Variants in NEXN observed in about 807,000 individuals in gnomAD.
NEXN encodes the protein nexilin F-actin binding protein.
A neutral mutation model predicts 92.6 loss-of-function variants in NEXN; 65 were observed. The ratio of observed to expected loss-of-function variants is 0.70; its 90% CI spans 0.57 to 0.86. The LOEUF (loss-of-function observed/expected upper bound fraction) is 0.86. Ranked by LOEUF, NEXN falls within the 40% of genes least tolerant of loss-of-function variation. NEXN has a pLI of 0.00. For synonymous variants in NEXN, 254 were observed against 242.5 expected (o/e 1.05, Z -0.44); for missense variants, 778 against 771.1 (o/e 1.01, Z -0.11).
At chr1:77,897,508 C>A (rs923087668) in intron 1 of NEXN, among the ~76,000 whole-genome samples, 2 of 152,108 alleles carry the variant, frequency 1.3e-5, no homozygotes, top group African/African-American at 2.4e-5. Context: ...TGGGATGTAT[C>A]TCAAAATAAT....
At chr1:77,906,143 T>C (rs1648097314) in intron 1 of NEXN, among the ~76,000 whole-genome samples, 1 of 150,984 alleles carries the variant, frequency 6.6e-6, no homozygotes, top group African/African-American at 2.4e-5. Context: ...AGAGGGAGAA[T>C]AGTGTTATGA....
At chr1:77,933,227 C>T in intron 9 of NEXN, 55 bp from the exon 10 acceptor site, 1 of 1,075,610 alleles carries the variant, frequency 9.3e-7, no homozygotes, top group Non-Finnish European at 1.4e-6. Context: ...AAGAAATAGT[C>T]CCTTTTTAGT....
chr1:77,892,257 G>T (rs1327201867), intron 1 of NEXN, among the ~76,000 whole-genome samples: 1 of 151,950 alleles, frequency 6.6e-6, no homozygotes, highest in Non-Finnish European at 1.5e-5. Flanking sequence ...AGTGGTTTTT[G>T]GTTACATGGA....
chr1:77,920,804 GAGA>G (rs146375308), intron 5 of NEXN, among the ~76,000 whole-genome samples: 7,162 of 152,002 alleles, frequency 0.047, 218 homozygotes, highest in East Asian at 0.11. Flanking sequence ...GGTGAGGGAA[GAGA>G]AGGAGATGTT....
At chr1:77,916,666 T>C (rs1649000252) in intron 2 of NEXN, among the ~76,000 whole-genome samples, 1 of 152,162 alleles carries the variant, frequency 6.6e-6, no homozygotes, top group Non-Finnish European at 1.5e-5. Context: ...GATTATAAAA[T>C]ACAAGTTGGA....
intron 11 of NEXN, among the ~76,000 whole-genome samples, chr1:77,939,828 C>T (rs1651103870): frequency 6.6e-6 from 1 of 152,198 alleles, no homozygotes; most frequent in South Asian, 2.1e-4. Flanking sequence ...ATTCCCAGCA[C>T]TTTGGGAGGC....
chr1:77,920,065 ATT>A (rs954169817), intron 5 of NEXN, among the ~76,000 whole-genome samples: 1 of 149,592 alleles, frequency 6.7e-6, no homozygotes, highest in African/African-American at 2.5e-5. Flanking sequence ...CTCCCAGCTA[ATT>A]TTTTTGTATT....
intron 9 of NEXN, among the ~76,000 whole-genome samples, chr1:77,930,745 C>CCCTATG (rs1254160297): frequency 6.6e-6 from 1 of 152,214 alleles, no homozygotes; most frequent in Non-Finnish European, 1.5e-5. Context: ...TCACTCCTTT[C>CCCTATG]CCTATGCTCT....
intron 6 of NEXN, among the ~76,000 whole-genome samples, chr1:77,925,512 A>G (rs983872658): frequency 1.3e-5 from 2 of 152,224 alleles, no homozygotes; most frequent in Non-Finnish European, 2.9e-5. Context: ...GTATTTTTTG[A>G]ACTGTTACTA....
chr1:77,910,493 C>T (rs1648475018), intron 1 of NEXN, among the ~76,000 whole-genome samples: 1 of 152,032 alleles, frequency 6.6e-6, no homozygotes, highest in Non-Finnish European at 1.5e-5. Flanking sequence ...TGGCTAACGC[C>T]TGTAATCCCA....
chr1:77,893,228 A>G (rs1033282809), intron 1 of NEXN, among the ~76,000 whole-genome samples: 3 of 152,068 alleles, frequency 2.0e-5, no homozygotes, highest in African/African-American at 7.2e-5. Context: ...TGTGACTCCT[A>G]CAGCTTGGCT....
Position 77,925,737 on chromosome 1 carries a change from T to C in NEXN, c.489+508T>C, listed in dbSNP as rs182416925. Among the ~76,000 whole-genome samples, 17 of 152,274 alleles carry C rather than the reference T, an allele frequency of 1.1e-4. No individual in the cohort carries two copies. In the East Asian group the frequency reaches 3.1e-3, roughly 28 times the overall value. On this transcript the variant is annotated intron_variant, in intron 6 of 12. Transcript: ENST00000334785. ...ATAAGTTAAAAATCTTTCAATTTGA[T>C]GGTGTGCCCAAAACTACAGCCCATA...
At position 77,926,867 on chromosome 1, in the gene NEXN, C is replaced by G. The variant is rs756042503; in HGVS notation, c.839C>G (p.Ala280Gly). The G allele has an allele frequency of 5.6e-6, 9 of 1,613,744 alleles. No individual in the cohort carries two copies. In the Admixed American group the frequency reaches 1.5e-4, roughly 27 times the overall value. ...ARKRLEEEKR[A>G]FEEARRQMVN... ...AAACGTTTAGAAGAAGAGAAGCGTG[C>G]TTTTGAAGAAGCAAGGCGGCAAATG... The change falls in exon 8 of 13, where the codon GCT becomes GGT. Residue 280 changes from alanine to glycine, a missense_variant. Transcript: ENST00000334785.
rs1651546179 is a variant in NEXN at position 77,943,183 on chromosome 1, T to TAA, written c.*356_*357dup. ...TCAATTATTCTATCAGAACCTATTATAAAGACTGTATTTCCCATAGACGTT... is the reference window on the plus strand; with the variant it reads ...TCAATTATTCTATCAGAACCTATTATAAAAAGACTGTATTTCCCATAGACGTT... On this transcript the variant is annotated 3_prime_UTR_variant, in exon 13 of 13. Coordinates refer to ENST00000334785, the MANE Select transcript of NEXN (RefSeq NM_144573.4). 3.4e-6 allele frequency: 1 copy of TAA among 298,502 alleles called. No homozygotes were observed. Among genetic ancestry groups the TAA allele is most frequent in the African/African-American group, 2.2e-5 (1 of 45,546 alleles). 18.5% of individuals were successfully genotyped at this position (298,502 alleles called of 1,614,324 possible). A position where few individuals can be genotyped will look rare whatever the true frequency, so the allele number is the denominator to read the frequency against.
intron 1 of NEXN, among the ~76,000 whole-genome samples, chr1:77,912,311 T>G (rs1276690605): frequency 6.6e-6 from 1 of 152,060 alleles, no homozygotes; most frequent in Non-Finnish European, 1.5e-5. Context: ...ATGTATATAA[T>G]GGGGGGGACA....
intron 1 of NEXN, among the ~76,000 whole-genome samples, chr1:77,897,037 A>G (rs910497838): frequency 6.6e-6 from 1 of 152,204 alleles, no homozygotes; most frequent in Non-Finnish European, 1.5e-5. Context: ...CAACCAAAAA[A>G]AGTCCAGGAC....
chr1:77,919,639 A>G (rs574897416), intron 5 of NEXN, among the ~76,000 whole-genome samples: 1 of 147,086 alleles, frequency 6.8e-6, no homozygotes, highest in African/African-American at 2.5e-5. Context: ...GCTGGAGTGC[A>G]ATGGCGCAGT....
chr1:77,929,589 C>A, intron 9 of NEXN, 85 bp downstream of exon 9: 2 of 1,551,944 alleles, frequency 1.3e-6, no homozygotes, highest in Non-Finnish European at 1.8e-6. Flanking sequence ...AGAGAATACC[C>A]TATTATTTCT....
chr1:77,926,110 A>C (rs1372679833), intron 6 of NEXN, among the ~76,000 whole-genome samples: 1 of 152,178 alleles, frequency 6.6e-6, no homozygotes, highest in Non-Finnish European at 1.5e-5. Context: ...TTTGTGGATT[A>C]GTGCACAAAT....
Sources: gnomAD v4.1 joint callset for allele counts (sites outside exome capture counted in the v4.1 genomes callset) on GRCh38, gnomAD v4.1.1 for gene constraint, MANE v1.5 for transcripts, NCBI Gene and HGNC (gene_info 2026-07-23, HGNC 2026-07-21) for gene names.